Variants in MTG1 observed in about 807,000 individuals in gnomAD.
MTG1 encodes the protein mitochondrial ribosome-associated GTPase 1.
A neutral mutation model predicts 39.5 loss-of-function variants in MTG1; 30 were observed. The observed-to-expected ratio is 0.76, with a 90% CI of 0.57 to 1.03. The LOEUF (loss-of-function observed/expected upper bound fraction) is 1.03, where lower values mean the gene tolerates loss of function less well. Ranked by LOEUF, MTG1 falls within the 50% of genes least tolerant of loss-of-function variation. MTG1 has a pLI of 0.00. For synonymous variants in MTG1, 217 were observed against 179.0 expected (o/e 1.21, Z -1.69); for missense variants, 513 against 447.4 (o/e 1.15, Z -1.32).
In MTG1 at chr10:133,398,457, G is replaced by T; in HGVS notation, c.305G>T (p.Gly102Val). 1 of 1,613,132 alleles carries T rather than the reference G, an allele frequency of 6.2e-7. No homozygotes were observed. Among genetic ancestry groups the T allele is most frequent in the South Asian group, 1.1e-5 (1 of 90,752 alleles). ...EQQKIMQHLE[G>V]EGLKNVIFTN... is the part of the protein sequence containing the mutation. The stretch of plus-strand genomic sequence containing the variant: ...CAGAAAATTATGCAACACTTAGAAG[G>T]AGAAGGCCTAAAAAATGTCATTTTT... The change falls in exon 4 of 11, where the codon GGA (glycine) becomes GTA (valine). Residue 102 changes from glycine (G) to valine (V), a missense_variant. By Grantham distance (109) the Gly-to-Val change is moderately radical. Transcript: ENST00000317502.
Position 133,402,040 on chromosome 10 carries a change from A to G in MTG1, c.574-109A>G. ...ACGCTGCCATGGGGTTGGGTCCCTGAGGCCTTCCTCGGAGCATTGGGTGCC... is the reference window on the plus strand; with the variant it reads ...ACGCTGCCATGGGGTTGGGTCCCTGGGGCCTTCCTCGGAGCATTGGGTGCC... On this transcript the variant is annotated intron_variant, in intron 7 of 10. Coordinates refer to ENST00000317502, the MANE Select transcript of MTG1 (RefSeq NM_138384.4). This position sits in a 1 kb window ranked among gnomAD's most constrained non-coding sequence, Gnocchi z 4.7. The G allele has an allele frequency of 7.5e-7, 1 of 1,335,588 alleles. No individual in the cohort carries two copies. The highest frequency in any genetic ancestry group is 1.1e-6 in the Non-Finnish European group (1 of 942,364). 82.7% of individuals were successfully genotyped at this position (1,335,588 alleles called of 1,614,324 possible). A position where few individuals can be genotyped will look rare whatever the true frequency, so the allele number is the denominator to read the frequency against.
In MTG1 at chr10:133,420,097, C is replaced by T. The variant is rs750526895; in HGVS notation, c.937C>T (p.Leu313=). 1.9e-6 allele frequency: 3 copies of T among 1,613,574 alleles called. No individual in the cohort carries two copies. The Admixed American group carries it at 5.0e-5, about 27-fold the overall frequency. ...CTTCCTGCAGACTTTCCGCCGTGGG[C>T]TGCTGGGTTCCGTGATGCTGGACCT... The part of the protein sequence containing the change: ...RDFLQTFRRG[L]LGSVMLDLDV... The change falls in exon 11 of 11, where the codon CTG becomes TTG. Residue 313 remains leucine, a synonymous_variant. Coordinates refer to ENST00000317502, the MANE Select transcript of MTG1 (RefSeq NM_138384.4).
At chr10:133,403,319 CTCCT>C (rs1849914643) in intron 9 of MTG1, among the ~76,000 whole-genome samples, 2 of 65,962 alleles carry the variant, frequency 3.0e-5, no homozygotes, top group Non-Finnish European at 6.6e-5. Flanking sequence ...GTCCCTGCTC[CTCCT>C]TCGTGAAATC....
At chr10:133,403,031 C>G (rs557624341) in intron 9 of MTG1, among the ~76,000 whole-genome samples, 2 of 148,782 alleles carry the variant, frequency 1.3e-5, no homozygotes, top group South Asian at 2.2e-4. Context: ...AACGAGCGTT[C>G]CCGTCACCCC....
chr10:133,395,689 C>G (rs1365490396), intron 1 of MTG1, 24 bp from the exon 2 acceptor site: 2 of 1,613,188 alleles, frequency 1.2e-6, no homozygotes, highest in Non-Finnish European at 1.7e-6. Context: ...AGCCCCTTCG[C>G]TGAGGCGTCC....
At position 133,395,843 on chromosome 10, in the gene MTG1, G is replaced by A. The variant is rs533929935; in HGVS notation, c.177+66G>A. On this transcript the variant is annotated intron_variant, in intron 2 of 10. Transcript: ENST00000317502. ...TCATATTACACATTAGAATTACCTG[G>A]GGAGGCTTTTAAAAATATGAATTGC... is the stretch of plus-strand genomic sequence containing the variant. The A allele has an allele frequency of 1.6e-5, 24 of 1,524,988 alleles. No homozygotes were observed. The African/African-American group carries it at 3.1e-4, about 20-fold the overall frequency. 94.5% of individuals were successfully genotyped at this position (1,524,988 alleles called of 1,614,324 possible).
rs1304985198 is a variant in MTG1, at chr10:133,419,537, G to A, written c.810G>A (p.Lys270=). 1 of 1,610,756 alleles carries A rather than the reference G, an allele frequency of 6.2e-7. No homozygotes were observed. The highest frequency in any genetic ancestry group is 1.7e-5 in the Admixed American group (1 of 59,646). ...GTGACAACGTAGAGCGCGTGCTGAA[G>A]AGTGTGGCTGTGAAGCTGGGGAAGA... ...SACDNVERVL[K]SVAVKLGKTQ... Residue 270 remains lysine, a synonymous_variant, in exon 10 of 11, where the codon AAG becomes AAA. Coordinates refer to ENST00000317502, the MANE Select transcript of MTG1 (RefSeq NM_138384.4).
intron 9 of MTG1, among the ~76,000 whole-genome samples, chr10:133,404,176 G>C (rs994240869): frequency 7.3e-6 from 1 of 136,508 alleles, no homozygotes; most frequent in Non-Finnish European, 1.5e-5. Flanking sequence ...TACCCAGGCT[G>C]AAGTGCAGTG....
At chr10:133,394,469 C>T (rs1849750741) in intron 1 of MTG1, 137 bp downstream of exon 1, 2 of 1,334,454 alleles carry the variant, frequency 1.5e-6, no homozygotes, top group South Asian at 1.7e-5. Context: ...TGTCTCCCCT[C>T]CTTCCCCGCT....
rs1849899121 is a variant in MTG1 at position 133,402,572 on chromosome 10, G to A, written c.671-120G>A. The A allele has an allele frequency of 1.1e-6, 1 of 921,644 alleles. No homozygotes were observed. The highest frequency in any genetic ancestry group is 1.7e-5 in the African/African-American group (1 of 60,474). The allele number at this position is 921,644 out of a possible 1,614,324, so 57.1% of individuals were successfully genotyped here. A position where few individuals can be genotyped will look rare whatever the true frequency, so the allele number is the denominator to read the frequency against. ...CCTCTTGGTTAGTGTCTTTGTCAGT[G>A]GCTGGCCTCTTCCTCACGGCACGGT... On this transcript the variant is annotated intron_variant, in intron 8 of 10. Transcript: ENST00000317502. This position sits in a 1 kb window ranked among gnomAD's most constrained non-coding sequence, Gnocchi z 4.7.
At chr10:133,397,779 G>GTTTTTTTTTTTTTT (rs35859911) in intron 3 of MTG1, among the ~76,000 whole-genome samples, 1 of 139,488 alleles carries the variant, frequency 7.2e-6, no homozygotes, top group African/African-American at 2.7e-5. Context: ...CGTCCAGCCT[G>GTTTTTTTTTTTTTT]TTTTTTTTTT....
chr10:133,399,436 C>G (rs1849836708), intron 5 of MTG1, 93 bp from the exon 6 acceptor site: 1 of 1,363,890 alleles, frequency 7.3e-7, no homozygotes, highest in Admixed American at 1.8e-5. Flanking sequence ...CTGAGCTGAC[C>G]TGGCCTGGGG....
chr10:133,405,689 A>G (rs1849959794), intron 9 of MTG1, among the ~76,000 whole-genome samples: 2 of 152,206 alleles, frequency 1.3e-5, no homozygotes, highest in Admixed American at 1.3e-4. Context: ...GTTATGGCTA[A>G]TATTTCATTG....
At position 133,402,963 on chromosome 10, in the gene MTG1, A is replaced by C; in HGVS notation, c.752+190A>C. ...ACGTCTGTGAAAGCAACACACAATC[A>C]AGAAAACGAGCGTTCCCGTCACCCC... On this transcript the variant is annotated intron_variant, in intron 9 of 10. Coordinates refer to ENST00000317502, the MANE Select transcript of MTG1 (RefSeq NM_138384.4). This position sits in a 1 kb window ranked among gnomAD's most constrained non-coding sequence, Gnocchi z 4.7. 1.9e-6 allele frequency: 1 copy of C among 538,606 alleles called. No individual in the cohort carries two copies. The highest frequency in any genetic ancestry group is 3.3e-6 in the Non-Finnish European group (1 of 304,370). The allele number at this position is 538,606 out of a possible 1,614,324, so 33.4% of individuals were successfully genotyped here.
At chr10:133,406,310 T>C (rs1485001250) in intron 9 of MTG1, among the ~76,000 whole-genome samples, 1 of 152,206 alleles carries the variant, frequency 6.6e-6, no homozygotes, top group Non-Finnish European at 1.5e-5. Flanking sequence ...GTTTCGTTTC[T>C]TGCTTCGGGT....
intron 9 of MTG1, among the ~76,000 whole-genome samples, chr10:133,407,756 G>T (rs1332280472): frequency 1.3e-5 from 2 of 152,036 alleles, no homozygotes; most frequent in East Asian, 3.9e-4. Flanking sequence ...TTTTAGTAGA[G>T]ATGGGGTTTC....
intron 9 of MTG1, among the ~76,000 whole-genome samples, chr10:133,413,995 G>A (rs1258922393): frequency 6.7e-6 from 1 of 149,200 alleles, no homozygotes; most frequent in Non-Finnish European, 1.5e-5. Flanking sequence ...GGACAATAGT[G>A]GAGGGAAGGT....
intron 1 of MTG1, among the ~76,000 whole-genome samples, chr10:133,394,964 A>G (rs548587885): frequency 6.6e-6 from 1 of 152,034 alleles, no homozygotes; most frequent in African/African-American, 2.4e-5. Context: ...TTCGGATAAC[A>G]CTGGAGGGGA....
At chr10:133,407,991 A>G (rs189258499) in intron 9 of MTG1, among the ~76,000 whole-genome samples, 46 of 152,280 alleles carry the variant, frequency 3.0e-4, no homozygotes, top group Admixed American at 1.1e-3. Flanking sequence ...GTTTTTCCCA[A>G]TATAAGATTG....
Sources: allele counts gnomAD v4.1 joint callset (sites outside exome capture counted in the v4.1 genomes callset), GRCh38; gene constraint gnomAD v4.1.1; non-coding constraint Gnocchi (gnomAD v3.1); transcripts MANE v1.5; gene names NCBI Gene and HGNC (gene_info 2026-07-23, HGNC 2026-07-21).